Variants in STXBP6 observed in about 807,000 individuals in gnomAD.
The protein encoded by STXBP6 is syntaxin binding protein 6, also known as syntaxin-binding protein 6.
Under a neutral mutation model 26.9 loss-of-function variants are expected in STXBP6, and 21 were observed. The observed-to-expected ratio is 0.78, with a 90% confidence interval of 0.55 to 1.12. The LOEUF is 1.12. Among genes scored for constraint, STXBP6 ranks in the 50% most tolerant of loss-of-function variants. The pLI is 0.00. For missense variants in STXBP6, 232 were observed against 257.9 expected, an observed-to-expected ratio of 0.90 and a Z score of 0.69; for synonymous variants, 97 against 92.6, an observed-to-expected ratio of 1.05 and a Z score of -0.27.
chr14:24,988,626 A>G (rs764956730), intron 1 of STXBP6, among the ~76,000 whole-genome samples: 32 of 152,350 alleles, frequency 2.1e-4, no homozygotes, highest in African/African-American at 7.2e-4. Context: ...GCTCTGTGTG[A>G]GTGACCTAGA....
At chr14:24,865,203 C>A (rs2069675879) in intron 2 of STXBP6, among the ~76,000 whole-genome samples, 1 of 152,042 alleles carries the variant, frequency 6.6e-6, no homozygotes, top group Non-Finnish European at 1.5e-5. Flanking sequence ...CCTGAAGTAA[C>A]CAAAAATGGA....
chr14:24,930,955 C>CA (rs1216071208), intron 2 of STXBP6, among the ~76,000 whole-genome samples: 2 of 143,956 alleles, frequency 1.4e-5, no homozygotes, highest in East Asian at 4.0e-4. Flanking sequence ...ACTAAAAATA[C>CA]AAAAAATTAG....
Position 24,928,382 on chromosome 14 carries a change from C to CTT in STXBP6, c.154+46281_154+46282dup, listed in dbSNP as rs57471170. On this transcript the variant is annotated intron_variant, in intron 2 of 5. Coordinates refer to ENST00000323944, the MANE Select transcript of STXBP6 (RefSeq NM_001394410.1). ...AACCAAGCATCCTTGGTTTGTTTTG[C>CTT]TTTTTTTTTGTTTTTTTCCTCCAAG... 3.7e-3 allele frequency among the ~76,000 whole-genome samples: 551 copies of CTT among 150,510 alleles called. 3 individuals carry two copies. The highest frequency in any genetic ancestry group is 0.013 in the African/African-American group (515 of 40,816).
At position 24,850,552 on chromosome 14, in the gene STXBP6, T is replaced by C. The variant is rs117860048; in HGVS notation, c.451+5384A>G. 1.5e-4 allele frequency among the ~76,000 whole-genome samples: 23 copies of C among 152,304 alleles called. No homozygotes were observed. In the East Asian group the frequency reaches 4.2e-3, roughly 28 times the overall value. ...GAAATAAAATTGTCTGGATTAACTGTTGCAATAAGAGAGAGCTAATTTCAT... is the reference window on the plus strand; with the variant it reads ...GAAATAAAATTGTCTGGATTAACTGCTGCAATAAGAGAGAGCTAATTTCAT... On this transcript the variant is annotated intron_variant, in intron 4 of 5. Transcript: ENST00000323944.
intron 4 of STXBP6, among the ~76,000 whole-genome samples, chr14:24,824,426 G>A (rs957249976): frequency 2.0e-5 from 3 of 152,102 alleles, no homozygotes; most frequent in Non-Finnish European, 2.9e-5. Context: ...TAATCATGAC[G>A]ATATTAGCTT....
intron 2 of STXBP6, among the ~76,000 whole-genome samples, chr14:24,938,451 G>C (rs1377165664): frequency 1.3e-5 from 2 of 151,956 alleles, no homozygotes; most frequent in Non-Finnish European, 2.9e-5. Flanking sequence ...TCCACTCCAA[G>C]GCCCTTGTTT....
chr14:24,817,989 G>C, intron 5 of STXBP6: 1 of 453,504 alleles, frequency 2.2e-6, no homozygotes, highest in South Asian at 1.6e-5. Context: ...GCCTCCAGAA[G>C]AGGTCACCGC....
chr14:24,824,631 G>C (rs528747789), intron 4 of STXBP6, among the ~76,000 whole-genome samples: 2 of 152,238 alleles, frequency 1.3e-5, no homozygotes, highest in Non-Finnish European at 2.9e-5. Context: ...TTTTAAGATG[G>C]AGATTCTTCC....
chr14:24,953,433 G>A (rs1193023440), intron 2 of STXBP6, among the ~76,000 whole-genome samples: 1 of 152,124 alleles, frequency 6.6e-6, no homozygotes, highest in Non-Finnish European at 1.5e-5. Context: ...CAGTCACACT[G>A]GCCTTCTTTG....
intron 1 of STXBP6, among the ~76,000 whole-genome samples, chr14:25,047,221 C>T (rs2080613004): frequency 6.6e-6 from 1 of 152,164 alleles, no homozygotes; most frequent in Non-Finnish European, 1.5e-5. Flanking sequence ...ATAAAGGTCA[C>T]CAATCCGGCA....
At chr14:24,931,596 GT>G (rs2072411675) in intron 2 of STXBP6, among the ~76,000 whole-genome samples, 1 of 152,150 alleles carries the variant, frequency 6.6e-6, no homozygotes, top group Non-Finnish European at 1.5e-5. Flanking sequence ...CACCTACTAT[GT>G]TTCAGGTAGT....
At chr14:24,939,340 T>C (rs1216739965) in intron 2 of STXBP6, among the ~76,000 whole-genome samples, 1 of 152,180 alleles carries the variant, frequency 6.6e-6, no homozygotes, top group African/African-American at 2.4e-5. Flanking sequence ...CAACCCTATA[T>C]CTGTTAGGCA....
intron 2 of STXBP6, among the ~76,000 whole-genome samples, chr14:24,922,465 A>G (rs570568950): frequency 3.4e-4 from 52 of 152,230 alleles, no homozygotes; most frequent in African/African-American, 1.2e-3. Flanking sequence ...GCCCAAGGGT[A>G]TATCTTCCTC....
intron 4 of STXBP6, among the ~76,000 whole-genome samples, chr14:24,821,692 T>A (rs970513336): frequency 6.6e-6 from 1 of 152,100 alleles, no homozygotes; most frequent in Non-Finnish European, 1.5e-5. Context: ...AATCTCTCCC[T>A]CCACTCAACT....
At chr14:24,886,586 A>G (rs1435974872) in intron 2 of STXBP6, among the ~76,000 whole-genome samples, 1 of 152,196 alleles carries the variant, frequency 6.6e-6, no homozygotes, top group Non-Finnish European at 1.5e-5. Flanking sequence ...ATTTGGTAGT[A>G]TTAATTACTC....
chr14:24,939,893 T>A (rs373997747), intron 2 of STXBP6, among the ~76,000 whole-genome samples: 1 of 152,322 alleles, frequency 6.6e-6, no homozygotes, highest in African/African-American at 2.4e-5. Flanking sequence ...GATAGCCACA[T>A]AGAGCTAGTG....
chr14:24,819,568 T>G, intron 4 of STXBP6: 1 of 490,852 alleles, frequency 2.0e-6, no homozygotes, highest in Non-Finnish European at 3.6e-6. Flanking sequence ...ATTAGGCAAG[T>G]TCAATGAGAC....
rs1000279722 is a variant in STXBP6, at chr14:25,049,139, G to T, written c.-33+739C>A. 9.2e-6 allele frequency: 9 copies of T among 982,690 alleles called. No individual in the cohort carries two copies. The highest frequency in any genetic ancestry group is 1.1e-5 in the Non-Finnish European group (9 of 827,352). 60.9% of individuals were successfully genotyped at this position (982,690 alleles called of 1,614,324 possible). A position where few individuals can be genotyped will look rare whatever the true frequency, so the allele number is the denominator to read the frequency against. On this transcript the variant is annotated intron_variant, in intron 1 of 5. Transcript: ENST00000323944. The surrounding 1 kb of genome is among the most constrained non-coding windows in gnomAD (Gnocchi z 5.6). ...CCTGTCCTCTGTGAAGATGAACGGG[G>T]TGGGGTGGTGAGGTGGCGGGGTGTT...
At chr14:24,970,114 G>A (rs1252038110) in intron 2 of STXBP6, among the ~76,000 whole-genome samples, 4 of 151,978 alleles carry the variant, frequency 2.6e-5, no homozygotes, top group East Asian at 3.9e-4. Flanking sequence ...AGTGGTGTGC[G>A]CCTGTAATCC....
Sources: gnomAD v4.1 joint callset for allele counts (sites outside exome capture counted in the v4.1 genomes callset) on GRCh38, gnomAD v4.1.1 for gene constraint, Gnocchi (gnomAD v3.1) non-coding constraint, MANE v1.5 for transcripts, NCBI Gene and HGNC (gene_info 2026-07-23, HGNC 2026-07-21) for gene names.